NME7: variants seen among roughly 807,000 people sequenced by gnomAD.
The protein encoded by NME7 is NME/NM23 family member 7, also known as nucleoside diphosphate kinase 7.
In NME7, 41 loss-of-function variants were observed where a neutral mutation model predicts 49.1. That is an observed-to-expected ratio of 0.83 (90% CI 0.65 to 1.08). The LOEUF (loss-of-function observed/expected upper bound fraction) is 1.08. Ranked by LOEUF, NME7 falls within the 50% of genes least tolerant of loss-of-function variation. The probability of loss-of-function intolerance (pLI) is 0.00; values close to 1 mark genes in which losing one functional copy is unlikely to be tolerated. For missense variants in NME7, 423 were observed against 463.4 expected (o/e 0.91, Z 0.80); for synonymous variants, 139 against 150.6 (o/e 0.92, Z 0.56).
At chr1:169,173,885 T>C (rs1251482042) in intron 10 of NME7, among the ~76,000 whole-genome samples, 2 of 152,190 alleles carry the variant, frequency 1.3e-5, no homozygotes, top group Non-Finnish European at 2.9e-5. Context: ...CCATAAATAA[T>C]TCTTAAAAAG....
intron 10 of NME7, among the ~76,000 whole-genome samples, chr1:169,212,536 A>ATCC (rs376494634): frequency 0.24 from 36,635 of 151,060 alleles, 5,408 homozygotes; most frequent in Non-Finnish European, 0.34. Context: ...ATGAGGGTGA[A>ATCC]CAAGGTGACA....
chr1:169,351,382 T>C (rs1442160688), intron 1 of NME7, among the ~76,000 whole-genome samples: 1 of 151,746 alleles, frequency 6.6e-6, no homozygotes, highest in South Asian at 2.1e-4. Flanking sequence ...AAACACAATA[T>C]ACTATTAGTT....
At chr1:169,172,903 T>G (rs1356071551) in intron 10 of NME7, among the ~76,000 whole-genome samples, 1 of 152,244 alleles carries the variant, frequency 6.6e-6, no homozygotes, top group Non-Finnish European at 1.5e-5. Context: ...TGAGCCTATT[T>G]TAGTAAGATC....
chr1:169,225,201 C>CG (rs1479423039), intron 10 of NME7, among the ~76,000 whole-genome samples: 1 of 152,126 alleles, frequency 6.6e-6, no homozygotes, highest in African/African-American at 2.4e-5. Context: ...CTCCACCTCC[C>CG]GGGTTCAAGC....
rs558334670 is a variant in NME7, at chr1:169,340,049, T to A, written c.4-15549A>T. Among the ~76,000 whole-genome samples the A allele has an allele frequency of 2.4e-4, 37 of 152,336 alleles. 1 individual carries two copies. The South Asian group carries it at 7.7e-3, about 32-fold the overall frequency. On this transcript the variant is annotated intron_variant, in intron 1 of 11. Transcript: ENST00000367811. ...TCCTGTACCATCCCTTGTTAGTTTC[T>A]CTTACTCTGCCCATACCTTTGTAAC... is the stretch of plus-strand genomic sequence containing the variant.
intron 10 of NME7, among the ~76,000 whole-genome samples, chr1:169,228,030 TTATG>T (rs1647415763): frequency 7.3e-6 from 1 of 136,500 alleles, no homozygotes; most frequent in Non-Finnish European, 1.6e-5. Context: ...AAATATATAA[TTATG>T]TGTGTATACA....
rs1140523 is a variant in NME7, at chr1:169,324,483, G to C, written c.21C>G (p.Phe7Leu). ...GATCATACCACTCTGCAATGAAAACGAATCTTTCACTATGATTCTGCAAAG... is the reference window on the plus strand; with the variant it reads ...GATCATACCACTCTGCAATGAAAACCAATCTTTCACTATGATTCTGCAAAG... MNHSER[F>L]VFIAEWYDPN... Residue 7 changes from phenylalanine (F) to leucine (L), a missense_variant, in exon 2 of 12, where the codon TTC (phenylalanine) becomes TTG (leucine). By Grantham distance (22) the Phe-to-Leu change is conservative. Transcript: ENST00000367811. 6.2e-6 allele frequency: 10 copies of C among 1,606,876 alleles called. No individual in the cohort carries two copies. Among genetic ancestry groups the C allele is most frequent in the Admixed American group, 1.7e-5 (1 of 59,834 alleles).
At chr1:169,235,046 C>G in intron 9 of NME7, 85 bp downstream of exon 9, 2 of 627,596 alleles carry the variant, frequency 3.2e-6, no homozygotes, top group Non-Finnish European at 5.2e-6. Context: ...CATTTGGGAC[C>G]TAGTACAGGA....
chr1:169,282,357 G>A (rs941411173), intron 7 of NME7, among the ~76,000 whole-genome samples: 1 of 151,726 alleles, frequency 6.6e-6, no homozygotes, highest in Non-Finnish European at 1.5e-5. Context: ...TTATTAGTCT[G>A]GCTAGCAGTC....
In NME7 at chr1:169,278,515, C is replaced by T. The variant is rs149223970; in HGVS notation, c.754+8788G>A. 9.9e-3 allele frequency among the ~76,000 whole-genome samples: 1,508 copies of T among 152,160 alleles called. 62 individuals carry two copies. The highest frequency in any genetic ancestry group is 0.064 in the Admixed American group (977 of 15,288). The stretch of plus-strand genomic sequence containing the variant: ...GCTTCTGCATTCTTCACGTAGTTCT[C>T]GAGCTTTGGCTTTCAGCTCCATCAG... On this transcript the variant is annotated intron_variant, in intron 7 of 11. Transcript: ENST00000367811.
intron 4 of NME7, among the ~76,000 whole-genome samples, chr1:169,307,335 C>T (rs1355410210): frequency 1.3e-5 from 2 of 152,140 alleles, no homozygotes; most frequent in Admixed American, 1.3e-4. Flanking sequence ...AACTTGATTT[C>T]CAGAGGGGCC....
Position 169,132,585 on chromosome 1 carries a change from A to ATAGAC in NME7, c.*195_*199dup. ...TTTATAAAAAGCAATGCAGTACCCC[A>ATAGAC]TAGACTGGTGTTAAATGTTGTCTAC... On this transcript the variant is annotated 3_prime_UTR_variant, in exon 12 of 12. Transcript: ENST00000367811. 1 of 510,268 alleles carries ATAGAC rather than the reference A, an allele frequency of 2.0e-6. No individual in the cohort carries two copies. Among genetic ancestry groups the ATAGAC allele is most frequent in the East Asian group, 3.2e-5 (1 of 31,034 alleles). The allele number at this position is 510,268 out of a possible 1,614,324, so 31.6% of individuals were successfully genotyped here. A position where few individuals can be genotyped will look rare whatever the true frequency, so the allele number is the denominator to read the frequency against.
rs1571261583 is a variant in NME7, at chr1:169,170,926, G to C, written c.991-1372C>G. Among the ~76,000 whole-genome samples the C allele has an allele frequency of 2.0e-5, 3 of 152,174 alleles. No individual in the cohort carries two copies. In the South Asian group the frequency reaches 6.2e-4, roughly 32 times the overall value. On this transcript the variant is annotated intron_variant, in intron 10 of 11. Transcript: ENST00000367811. ...GGACGACAGATCAGACTCCATCTCA[G>C]AAAACAAGCAGAAGCCTTACTCTGC...
At chr1:169,310,172 C>A in intron 3 of NME7, 92 bp from the exon 4 acceptor site, 1 of 745,788 alleles carries the variant, frequency 1.3e-6, no homozygotes, top group South Asian at 1.8e-5. Flanking sequence ...AACAATCATC[C>A]TAGATCATCA....
Position 169,237,614 on chromosome 1 carries a change from A to G in NME7, c.819+9T>C, listed in dbSNP as rs1370618255. On this transcript the variant is annotated intron_variant, in intron 8 of 11. Coordinates refer to ENST00000367811, the MANE Select transcript of NME7 (RefSeq NM_013330.5). ...TCACAAATATTATGGTTCATTGTAAACTACCTACCATCTGCATAGCTGAGA... is the reference window on the plus strand; with the variant it reads ...TCACAAATATTATGGTTCATTGTAAGCTACCTACCATCTGCATAGCTGAGA... The G allele has an allele frequency of 1.9e-6, 3 of 1,599,376 alleles. No individual in the cohort carries two copies. The highest frequency in any genetic ancestry group is 2.7e-5 in the African/African-American group (2 of 74,520).
chr1:169,332,947 C>T (rs1652314372), intron 1 of NME7, among the ~76,000 whole-genome samples: 1 of 152,058 alleles, frequency 6.6e-6, no homozygotes, highest in African/African-American at 2.4e-5. Flanking sequence ...TCCAGCAATC[C>T]CACTGCAGGG....
rs1314143884 is a variant in NME7 at position 169,191,092 on chromosome 1, G to A, written c.991-21538C>T. On this transcript the variant is annotated intron_variant, in intron 10 of 11. Coordinates refer to ENST00000367811, the MANE Select transcript of NME7 (RefSeq NM_013330.5). ...CTCCCAAAGTGCTGGGATTACAGGC[G>A]TGAGCCACCGCGCCCGGCCGCAAGT... 2.7e-5 allele frequency among the ~76,000 whole-genome samples: 4 copies of A among 150,810 alleles called. 1 individual carries two copies. The highest frequency in any genetic ancestry group is 5.9e-5 in the Non-Finnish European group (4 of 67,656).
At chr1:169,326,454 C>T (rs973034206) in intron 1 of NME7, among the ~76,000 whole-genome samples, 7 of 152,032 alleles carry the variant, frequency 4.6e-5, no homozygotes, top group Non-Finnish European at 1.0e-4. Context: ...ACATTCATTG[C>T]GTTGTCTTTA....
intron 1 of NME7, among the ~76,000 whole-genome samples, chr1:169,336,653 C>T (rs961912145): frequency 4.0e-5 from 6 of 150,390 alleles, no homozygotes; most frequent in East Asian, 1.9e-4. Context: ...TACAGAGTGC[C>T]GACTGGTGTA....
Sources: allele counts gnomAD v4.1 joint callset (sites outside exome capture counted in the v4.1 genomes callset), GRCh38; gene constraint gnomAD v4.1.1; transcripts MANE v1.5; gene names NCBI Gene and HGNC (gene_info 2026-07-23, HGNC 2026-07-21).